Variants in RASEF observed in about 807,000 individuals in gnomAD.
RASEF encodes ras and EF-hand domain-containing protein.
In RASEF, 68 loss-of-function variants were observed where a neutral mutation model predicts 90.1. The ratio of observed to expected loss-of-function variants is 0.75; its 90% CI spans 0.62 to 0.92. The LOEUF is 0.92. Ranked by LOEUF, RASEF falls within the 40% of genes least tolerant of loss-of-function variation. RASEF has a pLI of 0.00. For synonymous variants in RASEF, 331 were observed against 345.2 expected (o/e 0.96, Z 0.46); for missense variants, 949 against 937.2 (o/e 1.01, Z -0.16).
the RASEF span, among the ~76,000 whole-genome samples, chr9:83,086,437 A>G: frequency 3.9e-5 from 6 of 152,178 alleles, no homozygotes; most frequent in African/African-American, 1.4e-4. Context: ...ACAGTTCTCA[A>G]TGTATATTAG....
intron 1 of RASEF, among the ~76,000 whole-genome samples, chr9:83,053,720 G>T (rs954561413): frequency 4.8e-5 from 7 of 146,908 alleles, no homozygotes; most frequent in African/African-American, 1.9e-4. Flanking sequence ...TCCTTCAGGA[G>T]CTCTTTTAGG....
chr9:83,087,490 C>T, the RASEF span, among the ~76,000 whole-genome samples: 3 of 148,826 alleles, frequency 2.0e-5, no homozygotes. Flanking sequence ...TGGCTTCCAG[C>T]TTTAGGCAAT....
At chr9:83,108,188 G>A in the RASEF span, among the ~76,000 whole-genome samples, 6 of 152,050 alleles carry the variant, frequency 3.9e-5, no homozygotes, top group Non-Finnish European at 1.5e-5. Flanking sequence ...GTAAAAAATT[G>A]TCAAGTACAA....
the RASEF span, among the ~76,000 whole-genome samples, chr9:83,158,730 T>TTATGTACATATACATATATGTATA: frequency 6.7e-6 from 1 of 148,780 alleles, no homozygotes; most frequent in African/African-American, 2.4e-5. Context: ...ATGTATATAT[T>TTATGTACATATACATATATGTATA]TATGTACATA....
the RASEF span, among the ~76,000 whole-genome samples, chr9:83,076,281 T>C: frequency 6.6e-6 from 1 of 152,216 alleles, no homozygotes; most frequent in Admixed American, 6.5e-5. Context: ...TTTTGAGTCT[T>C]AGATTAACAA....
the RASEF span, among the ~76,000 whole-genome samples, chr9:83,177,966 T>A: frequency 3.9e-5 from 6 of 152,120 alleles, no homozygotes; most frequent in Non-Finnish European, 8.8e-5. Context: ...TTGCATAATC[T>A]CCATCAATAT....
chr9:83,068,888 T>G, the RASEF span, among the ~76,000 whole-genome samples: 1 of 152,254 alleles, frequency 6.6e-6, no homozygotes, highest in Non-Finnish European at 1.5e-5. Flanking sequence ...GACAGGTTGT[T>G]GCACTGGAAA....
intron 4 of RASEF, among the ~76,000 whole-genome samples, chr9:83,012,897 A>C (rs1564077153): frequency 6.6e-6 from 1 of 152,234 alleles, no homozygotes; most frequent in Non-Finnish European, 1.5e-5. Flanking sequence ...TTATTTAGAA[A>C]TGTCTTACCT....
At chr9:83,072,195 A>G in the RASEF span, among the ~76,000 whole-genome samples, 1 of 152,138 alleles carries the variant, frequency 6.6e-6, no homozygotes, top group Non-Finnish European at 1.5e-5. Context: ...CTGACCTTCC[A>G]TACAGAGATT....
chr9:83,049,107 G>C (rs1012230893), intron 1 of RASEF, among the ~76,000 whole-genome samples: 2 of 148,028 alleles, frequency 1.4e-5, no homozygotes, highest in African/African-American at 2.5e-5. Context: ...CAGGGTGACA[G>C]AGTGAGACTC....
At chr9:83,142,756 T>C in the RASEF span, among the ~76,000 whole-genome samples, 1 of 152,174 alleles carries the variant, frequency 6.6e-6, no homozygotes, top group Non-Finnish European at 1.5e-5. Flanking sequence ...AGAAATCAGG[T>C]ATCTCTATTT....
chr9:83,082,375 G>T, the RASEF span, among the ~76,000 whole-genome samples: 2 of 152,242 alleles, frequency 1.3e-5, no homozygotes, highest in African/African-American at 4.8e-5. Context: ...GAATAACAAC[G>T]CTTGATTAGC....
the RASEF span, among the ~76,000 whole-genome samples, chr9:83,146,284 A>C: frequency 6.6e-6 from 1 of 152,128 alleles, no homozygotes; most frequent in Non-Finnish European, 1.5e-5. Context: ...CAGGTGGAAT[A>C]GGCTAGATCA....
chr9:83,040,758 G>A (rs73469489), intron 1 of RASEF, among the ~76,000 whole-genome samples: 6,568 of 152,190 alleles, frequency 0.043, 432 homozygotes, highest in African/African-American at 0.15. Context: ...TCCTCATCAC[G>A]TTTTGTTTAC....
At chr9:83,091,078 A>G in the RASEF span, among the ~76,000 whole-genome samples, 1 of 152,154 alleles carries the variant, frequency 6.6e-6, no homozygotes, top group South Asian at 2.1e-4. Flanking sequence ...TGCTTTCAAC[A>G]TTCATCCAGC....
At chr9:83,056,494 G>A (rs896959924) in intron 1 of RASEF, among the ~76,000 whole-genome samples, 2 of 152,188 alleles carry the variant, frequency 1.3e-5, no homozygotes, top group Non-Finnish European at 2.9e-5. Context: ...TACCCTCTTA[G>A]GAGAGAAAAA....
chr9:83,001,484 T>C (rs1327487067), intron 9 of RASEF, among the ~76,000 whole-genome samples: 1 of 152,184 alleles, frequency 6.6e-6, no homozygotes, highest in African/African-American at 2.4e-5. Context: ...GCTTTTTTAC[T>C]CTAAGGTGGT....
At chr9:82,994,451 G>T (rs917036045) in intron 14 of RASEF, among the ~76,000 whole-genome samples, 1 of 152,068 alleles carries the variant, frequency 6.6e-6, no homozygotes, top group Non-Finnish European at 1.5e-5. Context: ...CTTCCTTATC[G>T]TCAGGCCTTT....
At chr9:82,998,337 A>G (rs1291658977) in intron 13 of RASEF, 28 bp downstream of exon 13, 3 of 1,484,604 alleles carry the variant, frequency 2.0e-6, no homozygotes, top group African/African-American at 2.8e-5. Context: ...AACCCAGGAT[A>G]TCCCATAGCG....
Sources: allele counts gnomAD v4.1 joint callset (sites outside exome capture counted in the v4.1 genomes callset), GRCh38; gene constraint gnomAD v4.1.1; transcripts MANE v1.5; gene names NCBI Gene and HGNC (gene_info 2026-07-23, HGNC 2026-07-21).